Variants in DAPK1 observed in about 807,000 individuals in gnomAD.
The protein encoded by DAPK1 is death associated protein kinase 1.
In DAPK1, 56 loss-of-function variants were observed where a neutral mutation model predicts 144.9. The ratio of observed to expected loss-of-function variants is 0.39; its 90% confidence interval spans 0.31 to 0.48. DAPK1 has a LOEUF of 0.48. Ranked by LOEUF, DAPK1 falls within the 20% of genes least tolerant of loss-of-function variation. The pLI is 0.95. For synonymous variants in DAPK1, 690 were observed against 749.0 expected (o/e 0.92, Z 1.29); for missense variants, 1,454 against 1,875.4 (o/e 0.78, Z 4.15).
intron 2 of DAPK1, among the ~76,000 whole-genome samples, chr9:87,586,573 G>A (rs551698013): frequency 2.0e-5 from 3 of 152,206 alleles, no homozygotes; most frequent in African/African-American, 7.2e-5. Flanking sequence ...ATTGACACTA[G>A]TGCTTAAATA....
rs192351935 is a variant in DAPK1, at chr9:87,571,778, G to A, written c.63-33176G>A. 7.6e-3 allele frequency among the ~76,000 whole-genome samples: 1,163 copies of A among 152,266 alleles called. 6 individuals are homozygous for A. Among genetic ancestry groups the A allele is most frequent in the Middle Eastern group, 0.014 (4 of 294 alleles). On this transcript the variant is annotated intron_variant, in intron 2 of 25. Transcript: ENST00000408954. ...CTTGGGGGCCTTTGGAGTTTTGGGG[G>A]ATACCCTTGATTATTCTCTCACACA...
rs751270599 is a variant in DAPK1 at position 87,706,570 on chromosome 9, A to T, written c.3499A>T (p.Ile1167Phe). Residue 1167 changes from isoleucine (I) to phenylalanine (F), a missense_variant, in exon 26 of 26, where the codon ATC becomes TTC. Transcript: ENST00000408954. This position sits in a 1 kb window ranked among gnomAD's most constrained non-coding sequence, Gnocchi z 9.0. ...GCAAAGCACAGAGGGCGACGCGGAC[A>T]TCCGCCTGTGGGTGAATGGCTGCAA... ...HQQSTEGDAD[I>F]RLWVNGCKLA... The T allele has an allele frequency of 3.1e-6, 5 of 1,613,818 alleles. No individual in the cohort carries two copies. Among genetic ancestry groups the T allele is most frequent in the Non-Finnish European group, 4.2e-6 (5 of 1,179,850 alleles).
chr9:87,554,366 C>T (rs910350580), intron 2 of DAPK1: 4 of 151,756 alleles, frequency 2.6e-5, no homozygotes, highest in Non-Finnish European at 4.4e-5. Context: ...TGCAATGCCT[C>T]GAGGCATGTT....
chr9:87,576,508 A>G (rs1011615528), intron 2 of DAPK1, among the ~76,000 whole-genome samples: 4 of 152,124 alleles, frequency 2.6e-5, no homozygotes, highest in Non-Finnish European at 5.9e-5. Flanking sequence ...TCTGCCCCTC[A>G]TGAGCTGCCT....
chr9:87,683,734 T>C (rs1402855634), intron 20 of DAPK1, among the ~76,000 whole-genome samples: 2 of 152,202 alleles, frequency 1.3e-5, no homozygotes, highest in Admixed American at 1.3e-4. Context: ...TGACCCTTTT[T>C]CTGCACGCCC....
intron 2 of DAPK1, among the ~76,000 whole-genome samples, chr9:87,594,380 G>A (rs866370994): frequency 1.3e-5 from 2 of 152,174 alleles, no homozygotes; most frequent in African/African-American, 2.4e-5. Context: ...TGGAGCCAGG[G>A]TCCCTGCTGA....
At chr9:87,627,343 A>G (rs1387349125) in intron 3 of DAPK1, among the ~76,000 whole-genome samples, 3 of 152,240 alleles carry the variant, frequency 2.0e-5, no homozygotes. Context: ...GAAGAATTTT[A>G]AATAAGACTT....
Position 87,605,051 on chromosome 9 carries a change from C to T in DAPK1, c.160C>T (p.Arg54Trp), listed in dbSNP as rs903023243. 3.7e-6 allele frequency: 6 copies of T among 1,614,180 alleles called. No individual in the cohort carries two copies. Among genetic ancestry groups the T allele is most frequent in the South Asian group, 1.1e-5 (1 of 91,082 alleles). The change falls in exon 3 of 26, where the codon CGG becomes TGG. Residue 54 changes from arginine to tryptophan, a missense_variant. Arg to Trp is a moderately radical substitution (Grantham distance 101). Coordinates refer to ENST00000408954, the MANE Select transcript of DAPK1 (RefSeq NM_004938.4). The part of the protein sequence containing the change: ...IKKRRTKSSR[R>W]GVSREDIERE... The stretch of plus-strand genomic sequence containing the variant: ...GAAAAGGAGGACTAAGTCCAGCCGG[C>T]GGGGTGTGAGCCGCGAGGACATCGA...
At chr9:87,616,820 A>G (rs1208443836) in intron 3 of DAPK1, among the ~76,000 whole-genome samples, 3 of 152,206 alleles carry the variant, frequency 2.0e-5, no homozygotes, top group Non-Finnish European at 4.4e-5. Flanking sequence ...CCACGGCCAC[A>G]TGGCTGGAAA....
At chr9:87,590,324 T>C (rs1704524673) in intron 2 of DAPK1, among the ~76,000 whole-genome samples, 1 of 149,794 alleles carries the variant, frequency 6.7e-6, no homozygotes, top group South Asian at 2.1e-4. Flanking sequence ...GGTTCCACCT[T>C]AACAGTGTTT....
chr9:87,656,522 C>T (rs1045453356), intron 17 of DAPK1, among the ~76,000 whole-genome samples: 1 of 152,226 alleles, frequency 6.6e-6, no homozygotes, highest in African/African-American at 2.4e-5. Context: ...TTCCTTCTCA[C>T]GTGAACTCTA....
At chr9:87,582,130 C>T (rs1046630847) in intron 2 of DAPK1, among the ~76,000 whole-genome samples, 23 of 151,928 alleles carry the variant, frequency 1.5e-4, no homozygotes, top group Admixed American at 8.5e-4. Flanking sequence ...CCTTCTCCTC[C>T]GGTCTTTTTT....
At chr9:87,626,905 G>A (rs1194563197) in intron 3 of DAPK1, among the ~76,000 whole-genome samples, 3 of 152,096 alleles carry the variant, frequency 2.0e-5, no homozygotes, top group Non-Finnish European at 4.4e-5. Context: ...GTTCCGGAGG[G>A]CTGTACACCA....
At chr9:87,607,067 G>T (rs922167219) in intron 3 of DAPK1, among the ~76,000 whole-genome samples, 6 of 149,526 alleles carry the variant, frequency 4.0e-5, no homozygotes, top group Non-Finnish European at 8.8e-5. Context: ...TCCCACCCTC[G>T]TAACTGAGAA....
intron 2 of DAPK1, among the ~76,000 whole-genome samples, chr9:87,578,168 C>T (rs1239490581): frequency 6.6e-6 from 1 of 152,108 alleles, no homozygotes; most frequent in Non-Finnish European, 1.5e-5. Flanking sequence ...TAATCCCATC[C>T]CCCGAAAGAT....
At chr9:87,564,440 G>C (rs1014617861) in intron 2 of DAPK1, among the ~76,000 whole-genome samples, 1 of 152,144 alleles carries the variant, frequency 6.6e-6, no homozygotes. Flanking sequence ...AACAGAATAC[G>C]TGAGAATGGG....
intron 2 of DAPK1, among the ~76,000 whole-genome samples, chr9:87,565,707 G>C (rs886159728): frequency 6.6e-6 from 1 of 152,168 alleles, no homozygotes; most frequent in African/African-American, 2.4e-5. Flanking sequence ...TCAATTTACT[G>C]TTCTTTTCCC....
Position 87,534,010 on chromosome 9 carries a change from G to A in DAPK1, c.62+34871G>A, listed in dbSNP as rs559405000. Among the ~76,000 whole-genome samples, 4 of 152,030 alleles carry A rather than the reference G, an allele frequency of 2.6e-5. No homozygotes were observed. In the South Asian group the frequency reaches 8.3e-4, roughly 32 times the overall value. The stretch of plus-strand genomic sequence containing the variant: ...CAGTTCTCAGGTTCCTGTCCTTTAG[G>A]CCCATTTAGTTATACATTTGCATAA... On this transcript the variant is annotated intron_variant, in intron 2 of 25. Coordinates refer to ENST00000408954, the MANE Select transcript of DAPK1 (RefSeq NM_004938.4).
intron 2 of DAPK1, among the ~76,000 whole-genome samples, chr9:87,539,711 C>T (rs1235931013): frequency 6.6e-6 from 1 of 152,042 alleles, no homozygotes; most frequent in Non-Finnish European, 1.5e-5. Flanking sequence ...AGCCACTGGG[C>T]CCAGCCAAAT....
Sources: allele counts gnomAD v4.1 joint callset (sites outside exome capture counted in the v4.1 genomes callset), GRCh38; gene constraint gnomAD v4.1.1; non-coding constraint Gnocchi (gnomAD v3.1); transcripts MANE v1.5; gene names NCBI Gene and HGNC (gene_info 2026-07-23, HGNC 2026-07-21).